Variants in PHF21B observed in about 807,000 individuals in gnomAD.
The protein encoded by PHF21B is PHD finger protein 21B, also known as PHD finger protein 4.
In PHF21B, 22 loss-of-function variants were observed where a neutral mutation model predicts 62.2. The observed-to-expected ratio is 0.35, with a 90% CI of 0.25 to 0.51. The LOEUF (loss-of-function observed/expected upper bound fraction) is 0.51, where lower values mean the gene tolerates loss of function less well. Among genes scored for constraint, PHF21B ranks in the 20% least tolerant of loss-of-function variants. The pLI is 0.97. For missense variants in PHF21B, 701 were observed against 707.9 expected, an observed-to-expected ratio of 0.99 and a Z score of 0.11; for synonymous variants, 341 against 314.7, an observed-to-expected ratio of 1.08 and a Z score of -0.88.
In PHF21B at chr22:44,887,950, C is replaced by A. The variant is rs753916578; in HGVS notation, c.1197+13G>T. ...GCCAGTCTGGGGTGAGGGGGTCACA[C>A]AGCCTCCTGTACCTTCTGCTGGCAC... On this transcript the variant is annotated intron_variant, in intron 10 of 12. Transcript: ENST00000313237. 1.4e-6 allele frequency: 2 copies of A among 1,465,080 alleles called. No individual in the cohort carries two copies. The highest frequency in any genetic ancestry group is 1.8e-6 in the Non-Finnish European group (2 of 1,103,180). The allele number at this position is 1,465,080 out of a possible 1,614,324, so 90.8% of individuals were successfully genotyped here.
intron 2 of PHF21B, chr22:45,003,578 C>T (rs1443025073): frequency 6.6e-6 from 1 of 152,316 alleles, no homozygotes; most frequent in Non-Finnish European, 1.5e-5. Flanking sequence ...CTGCAGGCCC[C>T]TGGGATTCAT....
rs759937179 is a variant in PHF21B at position 44,914,003 on chromosome 22, G to A, written c.650C>T (p.Ser217Phe). The A allele has an allele frequency of 5.1e-6, 7 of 1,374,120 alleles. No individual in the cohort carries two copies. In the Admixed American group the frequency reaches 1.0e-4, roughly 20 times the overall value. The allele number at this position is 1,374,120 out of a possible 1,614,324, so 85.1% of individuals were successfully genotyped here. A position where few individuals can be genotyped will look rare whatever the true frequency, so the allele number is the denominator to read the frequency against. ...GAGGGGTGAAGGGGACAGTGATGGG[G>A]AGGGAGGGGTGAGGGGAAGAGAGGA... ...HPSSLPLTPP[S>F]PSLSPSPLHG... Residue 217 changes from serine (S) to phenylalanine (F), a missense_variant, in exon 5 of 13, where the codon TCC becomes TTC. Coordinates refer to ENST00000313237, the MANE Select transcript of PHF21B (RefSeq NM_138415.5).
Position 45,009,410 on chromosome 22 carries a change from G to T in PHF21B, c.54+86C>A. On this transcript the variant is annotated intron_variant, in intron 1 of 12. Transcript: ENST00000313237. This position sits in a 1 kb window ranked among gnomAD's most constrained non-coding sequence, Gnocchi z 5.9. ...CCAGCCTGGAAGACCCAGAGACCCG[G>T]AAGAGAGGATGCTGGGCTCGGGTCC... 7.4e-7 allele frequency: 1 copy of T among 1,350,468 alleles called. No individual in the cohort carries two copies. The allele number at this position is 1,350,468 out of a possible 1,614,324, so 83.7% of individuals were successfully genotyped here. A position where few individuals can be genotyped will look rare whatever the true frequency, so the allele number is the denominator to read the frequency against.
At chr22:44,955,607 CCTT>C (rs903195408) in intron 2 of PHF21B, among the ~76,000 whole-genome samples, 1 of 152,200 alleles carries the variant, frequency 6.6e-6, no homozygotes, top group Non-Finnish European at 1.5e-5. Context: ...GGGAGATCCT[CCTT>C]CTCCTGCTCT....
rs761174454 is a variant in PHF21B at position 44,888,016 on chromosome 22, G to A, written c.1144C>T (p.Pro382Ser). The A allele has an allele frequency of 4.5e-6, 7 of 1,568,978 alleles. No individual in the cohort carries two copies. The South Asian group carries it at 7.0e-5, about 16-fold the overall frequency. ...ACGCCCTTGGGCGCCGTCTTGAGGG[G>A]CGGCTCCAGGCAGCTGAGGTGGTAG... ...GAYHLSCLEP[P>S]LKTAPKGVWV... Residue 382 changes from proline to serine, a missense_variant, in exon 10 of 13, where the codon CCC (proline) becomes TCC (serine). Coordinates refer to ENST00000313237, the MANE Select transcript of PHF21B (RefSeq NM_138415.5).
At chr22:44,999,224 A>G (rs1414455534) in intron 2 of PHF21B, among the ~76,000 whole-genome samples, 4 of 152,236 alleles carry the variant, frequency 2.6e-5, no homozygotes, top group Admixed American at 6.5e-5. Context: ...ATCTTCAGAA[A>G]GCATATTCGT....
intron 2 of PHF21B, among the ~76,000 whole-genome samples, chr22:44,998,909 G>A (rs988626697): frequency 6.6e-6 from 1 of 152,152 alleles, no homozygotes; most frequent in Admixed American, 6.5e-5. Flanking sequence ...CCCCCACTTT[G>A]AGACCAGGAC....
At chr22:44,930,594 G>A (rs889330941) in intron 2 of PHF21B, among the ~76,000 whole-genome samples, 4 of 152,284 alleles carry the variant, frequency 2.6e-5, no homozygotes, top group African/African-American at 9.6e-5. Context: ...CCAGCAGCAG[G>A]GGTGCCAAGA....
intron 2 of PHF21B, chr22:44,970,813 G>C (rs1360076403): frequency 6.6e-6 from 1 of 152,246 alleles, no homozygotes; most frequent in Non-Finnish European, 1.5e-5. Flanking sequence ...GGGGACAAGT[G>C]GCGAGGGACA....
chr22:44,912,409 A>T (rs1455186895), intron 5 of PHF21B, among the ~76,000 whole-genome samples: 1 of 152,164 alleles, frequency 6.6e-6, no homozygotes, highest in African/African-American at 2.4e-5. Flanking sequence ...CACATGTTGT[A>T]GGAGGGACCT....
chr22:44,938,657 T>C (rs1446733271), intron 2 of PHF21B, among the ~76,000 whole-genome samples: 2 of 152,250 alleles, frequency 1.3e-5, no homozygotes, highest in African/African-American at 2.4e-5. Context: ...GCAGCACTGA[T>C]AGACCCTCAT....
chr22:44,900,157 C>A (rs550685842), intron 5 of PHF21B, among the ~76,000 whole-genome samples: 3 of 152,274 alleles, frequency 2.0e-5, no homozygotes, highest in African/African-American at 7.2e-5. Flanking sequence ...CGGAACACAT[C>A]ATATTTAAAC....
chr22:45,003,252 C>T (rs113569930), intron 2 of PHF21B: 1 of 152,338 alleles, frequency 6.6e-6, no homozygotes, highest in Non-Finnish European at 1.5e-5. Flanking sequence ...CATCACTGCC[C>T]TGGGAAAAGG....
chr22:44,938,570 C>T (rs2071894599), intron 2 of PHF21B, among the ~76,000 whole-genome samples: 1 of 152,234 alleles, frequency 6.6e-6, no homozygotes, highest in African/African-American at 2.4e-5. Context: ...GCTGCAGCTC[C>T]AACCCTCATA....
intron 2 of PHF21B, among the ~76,000 whole-genome samples, chr22:44,972,481 C>A (rs997327059): frequency 2.6e-5 from 4 of 152,010 alleles, no homozygotes; most frequent in Admixed American, 2.0e-4. Context: ...TGTTGGCAGA[C>A]GCGGCTGCTC....
Position 44,889,371 on chromosome 22 carries a change from G to A in PHF21B, c.1038+389C>T, listed in dbSNP as rs73422468. ...GGATTAACAAGTCCAGCCCCTTTTC[G>A]GACGGGTAACAGAAGACCAGGGAGG... On this transcript the variant is annotated intron_variant, in intron 9 of 12. Transcript: ENST00000313237. Among the ~76,000 whole-genome samples, 1,486 of 152,262 alleles carry A rather than the reference G, an allele frequency of 9.8e-3. 26 individuals carry two copies. Among genetic ancestry groups the A allele is most frequent in the African/African-American group, 0.033 (1,362 of 41,534 alleles).
intron 2 of PHF21B, among the ~76,000 whole-genome samples, chr22:44,924,108 G>C (rs549084772): frequency 8.3e-6 from 1 of 119,852 alleles, no homozygotes; most frequent in African/African-American, 2.7e-5. Flanking sequence ...AGGAGGGAGG[G>C]GAGGGAAGAG....
intron 2 of PHF21B, among the ~76,000 whole-genome samples, chr22:44,937,807 C>T (rs767762344): frequency 2.6e-5 from 4 of 152,228 alleles, no homozygotes; most frequent in Non-Finnish European, 4.4e-5. Context: ...CATAGCACTG[C>T]GTGGAACGAA....
intron 2 of PHF21B, among the ~76,000 whole-genome samples, chr22:44,934,035 G>A (rs1219587926): frequency 1.3e-5 from 2 of 152,312 alleles, no homozygotes; most frequent in Non-Finnish European, 2.9e-5. Flanking sequence ...TATATGGCAT[G>A]TGTAACCACA....
Sources: gnomAD v4.1 joint callset for allele counts (sites outside exome capture counted in the v4.1 genomes callset) on GRCh38, gnomAD v4.1.1 for gene constraint, Gnocchi (gnomAD v3.1) non-coding constraint, MANE v1.5 for transcripts, NCBI Gene and HGNC (gene_info 2026-07-23, HGNC 2026-07-21) for gene names.